The following USP9X variants were observed in gnomAD, a reference collection of about 807,000 sequenced individuals.
The protein encoded by USP9X is ubiquitin carboxyl-terminal hydrolase 9X.
USP9X carries 7 observed loss-of-function variants against 190.3 expected under a neutral mutation model. That is an observed-to-expected ratio of 0.04 (90% CI 0.02 to 0.07). USP9X has a LOEUF of 0.07. USP9X is among the 10% of genes least tolerant of loss of function. The pLI is 1.00. For synonymous variants in USP9X, 645 were observed against 659.5 expected, an observed-to-expected ratio of 0.98 and a Z score of 0.34; for missense variants, 1,010 against 1,916.9, an observed-to-expected ratio of 0.53 and a Z score of 8.83.
chrX:41,106,507 T>A (rs2146948319), intron 1 of USP9X, among the ~76,000 whole-genome samples: 1 of 106,508 alleles, frequency 9.4e-6, no homozygotes, highest in South Asian at 4.2e-4. Flanking sequence ...ATACTGGAAG[T>A]ATATTTCTGA....
At chrX:41,231,731 CAAA>C (rs750438773) in intron 44 of USP9X, among the ~76,000 whole-genome samples, 3 of 47,928 alleles carry the variant, frequency 6.3e-5, no homozygotes, top group Non-Finnish European at 8.4e-5. Context: ...ACTCCCATCT[CAAA>C]AAAAAAAAAA....
intron 44 of USP9X, 50 bp from the exon 45 acceptor site, chrX:41,232,337 G>C (rs756071793): frequency 1.7e-6 from 2 of 1,167,984 alleles, no homozygotes; most frequent in South Asian, 4.0e-5. Flanking sequence ...TTTTGAAGTT[G>C]TTTTACTATG....
chrX:41,234,773 T>A lies in USP9X; in HGVS notation c.*2249T>A, dbSNP rs1039890885. 9.0e-6 allele frequency: 1 copy of A among 111,664 alleles called. No individual in the cohort carries two copies. Among genetic ancestry groups the A allele is most frequent in the East Asian group, 2.8e-4 (1 of 3,557 alleles). The allele number at this position is 111,664 out of a possible 1,213,427, so 9.2% of individuals were successfully genotyped here. A position where few individuals can be genotyped will look rare whatever the true frequency, so the allele number is the denominator to read the frequency against. On this transcript the variant is annotated 3_prime_UTR_variant, in exon 45 of 45. Coordinates refer to ENST00000378308, the MANE Select transcript of USP9X (RefSeq NM_001039591.3). Reference sequence around the variant, plus strand: ...CAGGGTTTCACCACGTTGGCCAGGCTGGTCTTGAACTCCTGACCTCAGGTG... The same window carrying A: ...CAGGGTTTCACCACGTTGGCCAGGCAGGTCTTGAACTCCTGACCTCAGGTG...
In USP9X at chrX:41,232,582, C is replaced by A. The variant is rs939636286; in HGVS notation, c.*58C>A. 3.5e-6 allele frequency: 4 copies of A among 1,136,933 alleles called. No homozygotes were observed. The African/African-American group carries it at 7.2e-5, about 21-fold the overall frequency. 93.7% of individuals were successfully genotyped at this position (1,136,933 alleles called of 1,213,427 possible). A position where few individuals can be genotyped will look rare whatever the true frequency, so the allele number is the denominator to read the frequency against. On this transcript the variant is annotated 3_prime_UTR_variant, in exon 45 of 45. Transcript: ENST00000378308. ...GTGCACCCAGGCCTTACAGTCCAAC[C>A]TTTTTCTGTGTCTGGCTAATATTTA...
chrX:41,172,511 C>T (rs954924808), intron 21 of USP9X, among the ~76,000 whole-genome samples: 1 of 111,852 alleles, frequency 8.9e-6, no homozygotes, highest in African/African-American at 3.3e-5. Context: ...ACAGCTATTT[C>T]TTTGTTACTT....
chrX:41,143,164 A>G (rs2062437438), intron 9 of USP9X, 127 bp from the exon 10 acceptor site: 1 of 477,915 alleles, frequency 2.1e-6, no homozygotes, highest in South Asian at 1.1e-4. Flanking sequence ...ACATAAGTAT[A>G]TTTTACCAGT....
intron 34 of USP9X, among the ~76,000 whole-genome samples, chrX:41,215,167 A>G (rs1312962955): frequency 8.9e-6 from 1 of 112,891 alleles, no homozygotes; most frequent in South Asian, 3.6e-4. Flanking sequence ...AGACTAGTCA[A>G]GTGGCCCATA....
intron 26 of USP9X, among the ~76,000 whole-genome samples, chrX:41,195,029 A>G (rs775616588): frequency 3.5e-4 from 36 of 104,016 alleles, no homozygotes; most frequent in Middle Eastern, 4.9e-3. Flanking sequence ...GTGATTCTCA[A>G]TCTTTCTTTT....
At position 41,085,485 on chromosome X, in the gene USP9X, G is replaced by A. The variant is rs926874797; in HGVS notation, c.-783G>A. The A allele has an allele frequency of 7.2e-5, 10 of 139,458 alleles. No homozygotes were observed. The highest frequency in any genetic ancestry group is 2.8e-4 in the Admixed American group (3 of 10,771). The allele number at this position is 139,458 out of a possible 1,213,427, so 11.5% of individuals were successfully genotyped here. A position where few individuals can be genotyped will look rare whatever the true frequency, so the allele number is the denominator to read the frequency against. On this transcript the variant is annotated 5_prime_UTR_variant, in exon 1 of 45. Transcript: ENST00000378308. ...CATATTGACGAGGACGGGCATCCGCGGCTGCGGACGCTAGTCTCCGCCGCC... is the reference window on the plus strand; with the variant it reads ...CATATTGACGAGGACGGGCATCCGCAGCTGCGGACGCTAGTCTCCGCCGCC...
chrX:41,133,685 T>C (rs938580302), intron 4 of USP9X, among the ~76,000 whole-genome samples: 1 of 112,343 alleles, frequency 8.9e-6, no homozygotes, highest in African/African-American at 3.2e-5. Flanking sequence ...AGTGAGCACA[T>C]GTGATGTTTG....
chrX:41,136,768 T>G (rs1436246652), intron 5 of USP9X, 36 bp from the exon 6 acceptor site: 4 of 1,052,217 alleles, frequency 3.8e-6, no homozygotes, highest in African/African-American at 1.8e-5. Context: ...TGCAGTGTTT[T>G]GATCTTGTAA....
At chrX:41,172,319 C>G (rs1156507123) in intron 21 of USP9X, among the ~76,000 whole-genome samples, 2 of 112,136 alleles carry the variant, frequency 1.8e-5, no homozygotes, top group Non-Finnish European at 3.8e-5. Flanking sequence ...ATATGGTTCA[C>G]AAGCCTAAAC....
chrX:41,145,700 C>T (rs778087933), intron 11 of USP9X, among the ~76,000 whole-genome samples: 1 of 111,773 alleles, frequency 8.9e-6, no homozygotes, highest in Non-Finnish European at 1.9e-5. Context: ...ACTAGTTACA[C>T]AGGTGTTCAC....
intron 21 of USP9X, among the ~76,000 whole-genome samples, chrX:41,182,466 T>C (rs1211983222): frequency 9.1e-6 from 1 of 110,161 alleles, no homozygotes; most frequent in African/African-American, 3.3e-5. Flanking sequence ...TCACTCAGAA[T>C]ATTTTTAAGC....
At chrX:41,201,728 T>C (rs982726891) in intron 31 of USP9X, among the ~76,000 whole-genome samples, 1 of 112,567 alleles carries the variant, frequency 8.9e-6, no homozygotes, top group South Asian at 3.6e-4. Flanking sequence ...CTCAGCACTT[T>C]GGGAAGCTGA....
chrX:41,149,469 A>T (rs1021197486), intron 12 of USP9X, among the ~76,000 whole-genome samples: 4 of 110,276 alleles, frequency 3.6e-5, no homozygotes, highest in Non-Finnish European at 7.6e-5. Flanking sequence ...TTGGGAAAAA[A>T]TTTTTAAAAG....
intron 31 of USP9X, among the ~76,000 whole-genome samples, chrX:41,204,072 A>G (rs1036969754): frequency 4.5e-5 from 5 of 111,487 alleles, no homozygotes; most frequent in East Asian, 2.8e-4. Flanking sequence ...AAGAGCTCCA[A>G]TTTCTCCATA....
intron 1 of USP9X, among the ~76,000 whole-genome samples, chrX:41,110,111 C>T (rs1296203313): frequency 1.8e-5 from 2 of 111,193 alleles, no homozygotes; most frequent in Non-Finnish European, 3.8e-5. Flanking sequence ...AACACCCCCT[C>T]CCCCAGAGAA....
intron 43 of USP9X, 89 bp downstream of exon 43, chrX:41,229,868 A>G: frequency 2.6e-6 from 3 of 1,165,711 alleles, no homozygotes; most frequent in Non-Finnish European, 3.4e-6. Context: ...TGTATTAATG[A>G]TATTATTAAA....
Sources: gnomAD v4.1 joint callset for allele counts (sites outside exome capture counted in the v4.1 genomes callset) on GRCh38, gnomAD v4.1.1 for gene constraint, MANE v1.5 for transcripts, NCBI Gene and HGNC (gene_info 2026-07-23, HGNC 2026-07-21) for gene names.